Variants in IL21R observed in about 807,000 individuals in gnomAD.
IL21R encodes the protein interleukin 21 receptor, also known as interleukin-21 receptor.
A neutral mutation model predicts 41.3 loss-of-function variants in IL21R; 14 were observed. That is an observed-to-expected ratio of 0.34 (90% CI 0.22 to 0.53). IL21R has a LOEUF of 0.53. IL21R is among the 20% of genes least tolerant of loss of function. The pLI, the probability that IL21R is intolerant of heterozygous loss-of-function variation, is 0.94. For synonymous variants in IL21R, 286 were observed against 287.6 expected (o/e 0.99, Z 0.05); for missense variants, 588 against 681.6 (o/e 0.86, Z 1.53).
At chr16:27,440,821 T>G (rs1270075198) in intron 4 of IL21R, among the ~76,000 whole-genome samples, 2 of 151,630 alleles carry the variant, frequency 1.3e-5, no homozygotes, top group Non-Finnish European at 2.9e-5. Context: ...GAGGTTGAGG[T>G]GGGTGGATCA....
chr16:27,434,423 C>A lies in IL21R; in HGVS notation c.126C>A (p.Leu42=). The A allele has an allele frequency of 6.2e-7, 1 of 1,613,590 alleles. No homozygotes were observed. The highest frequency in any genetic ancestry group is 8.5e-7 in the Non-Finnish European group (1 of 1,179,556). ...TVICILEMWN[L]HPSTLTLTWQ... ...TCTGCATCCTGGAAATGTGGAACCT[C>A]CACCCCAGCACGCTCACCCTTACCT... Residue 42 remains leucine, a synonymous_variant, in exon 3 of 9, where the codon CTC becomes CTA. Transcript: ENST00000337929.
intron 1 of IL21R, among the ~76,000 whole-genome samples, chr16:27,406,079 G>A (rs913381228): frequency 3.3e-5 from 5 of 152,266 alleles, no homozygotes; most frequent in Non-Finnish European, 4.4e-5. Context: ...TCTGCCAAGC[G>A]GGCTTGACTA....
At chr16:27,418,044 T>TATTTC (rs1226217194) in intron 1 of IL21R, among the ~76,000 whole-genome samples, 15 of 143,500 alleles carry the variant, frequency 1.0e-4, no homozygotes, top group Non-Finnish European at 2.0e-4. Context: ...TATTTTATTT[T>TATTTC]ATTTTATTTT....
At chr16:27,447,289 C>G (rs1016789273) in intron 8 of IL21R, among the ~76,000 whole-genome samples, 1 of 151,778 alleles carries the variant, frequency 6.6e-6, no homozygotes, top group East Asian at 1.9e-4. Flanking sequence ...TTAATCCTCA[C>G]GACGGCCCTA....
Position 27,446,028 on chromosome 16 carries a change from C to G in IL21R, c.807C>G (p.Ala269=). The G allele has an allele frequency of 6.2e-7, 1 of 1,613,192 alleles. No individual in the cohort carries two copies. Among genetic ancestry groups the G allele is most frequent in the Non-Finnish European group, 8.5e-7 (1 of 1,179,566 alleles). Residue 269 remains alanine (A), a synonymous_variant, in exon 8 of 9, where the codon GCC becomes GCG. Coordinates refer to ENST00000337929, the MANE Select transcript of IL21R (RefSeq NM_181078.3). ...PLWRLWKKIW[A]VPSPERFFMP... Reference sequence around the variant, plus strand: ...TCAGGCTATGGAAGAAGATATGGGCCGTCCCCAGCCCTGAGCGGTTCTTCA... The same window carrying G: ...TCAGGCTATGGAAGAAGATATGGGCGGTCCCCAGCCCTGAGCGGTTCTTCA...
chr16:27,445,247 C>T lies in IL21R; in HGVS notation c.756C>T (p.Phe252=). The change falls in exon 7 of 9, where the codon TTC becomes TTT. Residue 252 remains phenylalanine, a synonymous_variant. Transcript: ENST00000337929. The part of the protein sequence containing the change: ...LLLVIVFIPA[F]WSLKTHPLWR... The stretch of plus-strand genomic sequence containing the variant: ...TTGTCATAGTCTTCATTCCTGCCTT[C>T]TGGAGCCTGAAGACCCATCCATTGT... 1 of 1,613,996 alleles carries T rather than the reference C, an allele frequency of 6.2e-7. No homozygotes were observed. Among genetic ancestry groups the T allele is most frequent in the Non-Finnish European group, 8.5e-7 (1 of 1,179,896 alleles).
In IL21R at chr16:27,434,330, C is replaced by T. The variant is rs2087227564; in HGVS notation, c.50-17C>T. The T allele has an allele frequency of 6.4e-7, 1 of 1,564,982 alleles. No homozygotes were observed. The highest frequency in any genetic ancestry group is 8.8e-7 in the Non-Finnish European group (1 of 1,136,474). ...AGCCACCCCCCACCAAGGCCTCTCT[C>T]CCCACTGACCCTCCAGGCTGGGGCT... On this transcript the variant is annotated splice_polypyrimidine_tract_variant and intron_variant, in intron 2 of 8. Coordinates refer to ENST00000337929, the MANE Select transcript of IL21R (RefSeq NM_181078.3).
chr16:27,419,912 G>A (rs1394823884), intron 1 of IL21R, among the ~76,000 whole-genome samples: 3 of 132,028 alleles, frequency 2.3e-5, no homozygotes, highest in East Asian at 2.2e-4. Flanking sequence ...TTTTTGAGAC[G>A]GAGTCTCACT....
Position 27,403,192 on chromosome 16 carries a change from C to G in IL21R, c.-17+574C>G, listed in dbSNP as rs1038096558. Reference sequence around the variant, plus strand: ...CCCCATGAGCTGTCGCTGCATCTTTCTCATGAAGCACGGGGAACGGGTCGG... The same window carrying G: ...CCCCATGAGCTGTCGCTGCATCTTTGTCATGAAGCACGGGGAACGGGTCGG... On this transcript the variant is annotated intron_variant, in intron 1 of 8. Transcript: ENST00000337929. 4 of 1,344,370 alleles carry G rather than the reference C, an allele frequency of 3.0e-6. No individual in the cohort carries two copies. The African/African-American group carries it at 4.4e-5, about 15-fold the overall frequency. The allele number at this position is 1,344,370 out of a possible 1,614,324, so 83.3% of individuals were successfully genotyped here.
At chr16:27,440,545 T>G (rs1331189573) in intron 4 of IL21R, among the ~76,000 whole-genome samples, 1 of 152,048 alleles carries the variant, frequency 6.6e-6, no homozygotes, top group South Asian at 2.1e-4. Context: ...AGTGCTGAGA[T>G]TTTTGGCATG....
At chr16:27,434,270 C>G in intron 2 of IL21R, 77 bp from the exon 3 acceptor site, 1 of 924,202 alleles carries the variant, frequency 1.1e-6, no homozygotes, top group Non-Finnish European at 1.8e-6. Flanking sequence ...TTCCTCCAGC[C>G]CTCGAGGGGA....
At chr16:27,437,747 G>C in intron 4 of IL21R, 60 bp downstream of exon 4, 1 of 1,400,802 alleles carries the variant, frequency 7.1e-7, no homozygotes, top group Non-Finnish European at 1.0e-6. Context: ...CCGCAGCCCT[G>C]ACCTCTCTGG....
intron 8 of IL21R, chr16:27,448,259 A>C (rs1033909291): frequency 2.6e-6 from 1 of 379,762 alleles, no homozygotes; most frequent in Non-Finnish European, 4.7e-6. Flanking sequence ...GTTCAAGATC[A>C]GTCTGGCCAA....
intron 3 of IL21R, among the ~76,000 whole-genome samples, chr16:27,435,434 T>TTTA (rs2087251988): frequency 6.6e-6 from 1 of 151,134 alleles, no homozygotes; most frequent in Non-Finnish European, 1.5e-5. Context: ...TGCTTTCTCT[T>TTTA]TTTTATTTTA....
chr16:27,439,225 C>G (rs997377483), intron 4 of IL21R, among the ~76,000 whole-genome samples: 9 of 152,044 alleles, frequency 5.9e-5, no homozygotes, highest in Non-Finnish European at 1.3e-4. Context: ...CACAGACTCA[C>G]GCACACACAG....
intron 1 of IL21R, among the ~76,000 whole-genome samples, chr16:27,409,970 T>C (rs987025748): frequency 1.3e-5 from 2 of 152,194 alleles, no homozygotes; most frequent in Non-Finnish European, 2.9e-5. Flanking sequence ...TCCATGAACA[T>C]AGTATGTACC....
chr16:27,428,175 G>A (rs2087109161), intron 1 of IL21R, among the ~76,000 whole-genome samples: 3 of 148,618 alleles, frequency 2.0e-5, no homozygotes, highest in Admixed American at 1.3e-4. Flanking sequence ...AGGGTTTTAT[G>A]CAAATCACCT....
chr16:27,414,458 T>G (rs1199954921), intron 1 of IL21R, among the ~76,000 whole-genome samples: 1 of 152,062 alleles, frequency 6.6e-6, no homozygotes, highest in East Asian at 1.9e-4. Flanking sequence ...AATATTTTGT[T>G]TCAGATATTT....
chr16:27,408,301 C>T (rs1417703140), intron 1 of IL21R, among the ~76,000 whole-genome samples: 1 of 152,176 alleles, frequency 6.6e-6, no homozygotes, highest in Non-Finnish European at 1.5e-5. Flanking sequence ...AGATAGTTTC[C>T]GTGGCTAAAA....
Sources: allele counts gnomAD v4.1 joint callset (sites outside exome capture counted in the v4.1 genomes callset), GRCh38; gene constraint gnomAD v4.1.1; transcripts MANE v1.5; gene names NCBI Gene and HGNC (gene_info 2026-07-23, HGNC 2026-07-21).